Variants in C18orf54 observed in about 807,000 individuals in gnomAD.
C18orf54 encodes the protein lung adenoma susceptibility protein 2.
A neutral mutation model predicts 49.3 loss-of-function variants in C18orf54; 49 were observed. The observed-to-expected ratio is 0.99, with a 90% CI of 0.79 to 1.26. The LOEUF (loss-of-function observed/expected upper bound fraction) is 1.26. Ranked by LOEUF, C18orf54 falls within the 50% of genes most tolerant of loss-of-function variation. C18orf54 has a pLI of 0.00. For missense variants in C18orf54, 687 were observed against 620.6 expected, an observed-to-expected ratio of 1.11 and a Z score of -1.14; for synonymous variants, 211 against 216.6, an observed-to-expected ratio of 0.97 and a Z score of 0.23.
intron 6 of C18orf54, among the ~76,000 whole-genome samples, chr18:54,369,112 T>A (rs774867535): frequency 6.6e-6 from 1 of 152,198 alleles, no homozygotes; most frequent in Non-Finnish European, 1.5e-5. Context: ...CTAAACTATG[T>A]CAGCAGGAAG....
At chr18:54,377,220 A>T (rs1189096120) in intron 8 of C18orf54, among the ~76,000 whole-genome samples, 2 of 151,930 alleles carry the variant, frequency 1.3e-5, no homozygotes, top group Non-Finnish European at 2.9e-5. Flanking sequence ...TATTTTTAAT[A>T]AAGATGGGGT....
chr18:54,375,664 A>C (rs1468684460), intron 8 of C18orf54, among the ~76,000 whole-genome samples: 1 of 151,996 alleles, frequency 6.6e-6, no homozygotes, highest in East Asian at 1.9e-4. Context: ...ATACTGATCT[A>C]TAAGTGCTTT....
rs1163631728 is a variant in C18orf54 at position 54,361,738 on chromosome 18, G to C, written c.379G>C (p.Asp127His). ...DIDSMSLTTDDLLRLPADGSF... is the reference protein window; with the variant it reads ...DIDSMSLTTDHLLRLPADGSF... ...AGACTCCATGAGCCTAACAACTGAT[G>C]ATCTATTAAGACTCCCAGCAGATGG... The change falls in exon 4 of 9, where the codon GAT becomes CAT. Residue 127 changes from aspartate to histidine, a missense_variant. By Grantham distance (81) the Asp-to-His change is moderately conservative. Coordinates refer to ENST00000620105, the MANE Select transcript of C18orf54 (RefSeq NM_001288980.2). 6.2e-7 allele frequency: 1 copy of C among 1,613,850 alleles called. No individual in the cohort carries two copies. The highest frequency in any genetic ancestry group is 8.5e-7 in the Non-Finnish European group (1 of 1,179,946).
chr18:54,374,200 G>A lies in C18orf54; in HGVS notation c.1459-14G>A, dbSNP rs1281324252. The A allele has an allele frequency of 1.3e-6, 2 of 1,541,800 alleles. No homozygotes were observed. Among genetic ancestry groups the A allele is most frequent in the Non-Finnish European group, 1.8e-6 (2 of 1,140,194 alleles). On this transcript the variant is annotated splice_polypyrimidine_tract_variant and intron_variant, in intron 7 of 8. Coordinates refer to ENST00000620105, the MANE Select transcript of C18orf54 (RefSeq NM_001288980.2). ...ATTTTAATATTTTGTTATATTTGGTGTTTTTAATAATAGGTTTCAGAAGAT... is the reference window on the plus strand; with the variant it reads ...ATTTTAATATTTTGTTATATTTGGTATTTTTAATAATAGGTTTCAGAAGAT...
intron 6 of C18orf54, among the ~76,000 whole-genome samples, chr18:54,368,550 A>G (rs1031729411): frequency 6.6e-6 from 1 of 152,052 alleles, no homozygotes; most frequent in Non-Finnish European, 1.5e-5. Flanking sequence ...TATCATTAAT[A>G]TATTGATAAG....
At chr18:54,368,641 G>A (rs1006476037) in intron 6 of C18orf54, among the ~76,000 whole-genome samples, 3 of 151,892 alleles carry the variant, frequency 2.0e-5, no homozygotes, top group Non-Finnish European at 4.4e-5. Flanking sequence ...TGGTTAAGGT[G>A]ATCTTTATCC....
At position 54,374,639 on chromosome 18, in the gene C18orf54, A is replaced by G. The variant is rs1036687175; in HGVS notation, c.1529+355A>G. ...TATTCTCTCTAGAATAAATTTAATA[A>G]TAAATGGATCGTGATTTGGAACATC... On this transcript the variant is annotated intron_variant, in intron 8 of 8. Transcript: ENST00000620105. Among the ~76,000 whole-genome samples the G allele has an allele frequency of 2.6e-5, 4 of 151,886 alleles. 1 individual carries two copies. The highest frequency in any genetic ancestry group is 4.8e-5 in the African/African-American group (2 of 41,432).
At chr18:54,361,603 T>A (rs765325075) in intron 3 of C18orf54, 40 bp from the exon 4 acceptor site, 1 of 1,473,514 alleles carries the variant, frequency 6.8e-7, no homozygotes, top group Admixed American at 2.3e-5. Flanking sequence ...TATTATAAAA[T>A]ATTTGTATGT....
intron 6 of C18orf54, among the ~76,000 whole-genome samples, chr18:54,370,854 G>A (rs1207892793): frequency 6.6e-6 from 1 of 152,058 alleles, no homozygotes; most frequent in African/African-American, 2.4e-5. Flanking sequence ...AAATAAGATA[G>A]TGGCTGGATG....
chr18:54,362,996 A>T, intron 5 of C18orf54, 75 bp downstream of exon 5: 1 of 1,362,978 alleles, frequency 7.3e-7, no homozygotes, highest in Non-Finnish European at 1.0e-6. Context: ...ATTTATATTT[A>T]AACGAACGGT....
rs1203897801 is a variant in C18orf54 at position 54,380,560 on chromosome 18, C to T, written c.*2314C>T. 1 of 152,020 alleles carries T rather than the reference C, an allele frequency of 6.6e-6. No homozygotes were observed. Among genetic ancestry groups the T allele is most frequent in the African/African-American group, 2.4e-5 (1 of 41,448 alleles). The allele number at this position is 152,020 out of a possible 1,614,324, so 9.4% of individuals were successfully genotyped here. A position where few individuals can be genotyped will look rare whatever the true frequency, so the allele number is the denominator to read the frequency against. Reference sequence around the variant, plus strand: ...TCAAGAACTCTACTTTCAGTTGTTTCTCAGACAGTTAATTTCAGCTTCATA... The same window carrying T: ...TCAAGAACTCTACTTTCAGTTGTTTTTCAGACAGTTAATTTCAGCTTCATA... On this transcript the variant is annotated 3_prime_UTR_variant, in exon 9 of 9. Transcript: ENST00000620105.
At position 54,360,827 on chromosome 18, in the gene C18orf54, C is replaced by G; in HGVS notation, c.255C>G (p.Phe85Leu). The G allele has an allele frequency of 6.2e-7, 1 of 1,612,378 alleles. No individual in the cohort carries two copies. The highest frequency in any genetic ancestry group is 8.5e-7 in the Non-Finnish European group (1 of 1,178,930). ...AGGATTTTACTAATATGTCACAGTT[C>G]TGCAACTATATTTACAAACCAAACA... ...IDEDFTNMSQ[F>L]CNYIYKPNNA... The change falls in exon 3 of 9, where the codon TTC becomes TTG. Residue 85 changes from phenylalanine (F) to leucine (L), a missense_variant. Physicochemically the swap from Phe to Leu is conservative, Grantham distance 22. Coordinates refer to ENST00000620105, the MANE Select transcript of C18orf54 (RefSeq NM_001288980.2).
intron 4 of C18orf54, 98 bp downstream of exon 4, chr18:54,362,529 T>G (rs766397263): frequency 1.1e-4 from 116 of 1,095,654 alleles, no homozygotes; most frequent in Non-Finnish European, 1.3e-4. Context: ...GCTTTTATGT[T>G]TTGTTTTCAT....
rs1034423941 is a variant in C18orf54, at chr18:54,381,940, C to A, written c.*3694C>A. On this transcript the variant is annotated 3_prime_UTR_variant, in exon 9 of 9. Transcript: ENST00000620105. ...TCAGGAAAAAGTAAACTGCATTTTA[C>A]ATAGTGGTTTTAAATATTGATTGAT... 1.3e-5 allele frequency: 2 copies of A among 152,198 alleles called. No homozygotes were observed. The highest frequency in any genetic ancestry group is 2.9e-5 in the Non-Finnish European group (2 of 68,036). 9.4% of individuals were successfully genotyped at this position (152,198 alleles called of 1,614,324 possible). A position where few individuals can be genotyped will look rare whatever the true frequency, so the allele number is the denominator to read the frequency against.
In C18orf54 at chr18:54,365,754, C is replaced by T; in HGVS notation, c.1259C>T (p.Pro420Leu). The T allele has an allele frequency of 6.3e-7, 1 of 1,599,208 alleles. No homozygotes were observed. Among genetic ancestry groups the T allele is most frequent in the South Asian group, 1.1e-5 (1 of 88,598 alleles). Residue 420 changes from proline (P) to leucine (L), a missense_variant, in exon 6 of 9, where the codon CCT (proline) becomes CTT (leucine). Transcript: ENST00000620105. ...GTTCCCGTTAACTCTGATGATAGTC[C>T]TCAACAAACTTCAAGGGCAAAGAGT... is the stretch of plus-strand genomic sequence containing the variant. ...SPVPVNSDDS[P>L]QQTSRAKSAK...
rs2089283615 is a variant in C18orf54, at chr18:54,362,115, G to T, written c.756G>T (p.Gly252=). 1 of 1,537,050 alleles carries T rather than the reference G, an allele frequency of 6.5e-7. No homozygotes were observed. The highest frequency in any genetic ancestry group is 1.2e-5 in the South Asian group (1 of 84,108). ...AGAAATCTGACCTTAATGTTTCAGG[G>T]ATAACTAGTATACCTGATTTCAAAT... ...TSQKSDLNVS[G]ITSIPDFKYP... Residue 252 remains glycine, a synonymous_variant, in exon 4 of 9, where the codon GGG becomes GGT. Transcript: ENST00000620105.
intron 6 of C18orf54, among the ~76,000 whole-genome samples, chr18:54,369,676 C>T (rs549454405): frequency 4.7e-4 from 71 of 152,070 alleles, no homozygotes; most frequent in African/African-American, 1.6e-3. Context: ...ACCATATTGG[C>T]CAGGCTGGTC....
intron 1 of C18orf54, among the ~76,000 whole-genome samples, chr18:54,358,349 C>T (rs984922739): frequency 3.3e-5 from 5 of 152,210 alleles, no homozygotes; most frequent in Non-Finnish European, 7.3e-5. Flanking sequence ...GTCTGCGGAC[C>T]TGAGGCGGCG....
chr18:54,363,867 A>G (rs1421100277), intron 5 of C18orf54: 2 of 151,884 alleles, frequency 1.3e-5, no homozygotes, highest in African/African-American at 4.8e-5. Flanking sequence ...GGCATTGACT[A>G]TAATTCCAGT....
Sources: gnomAD v4.1 joint callset for allele counts (sites outside exome capture counted in the v4.1 genomes callset) on GRCh38, gnomAD v4.1.1 for gene constraint, MANE v1.5 for transcripts, NCBI Gene and HGNC (gene_info 2026-07-23, HGNC 2026-07-21) for gene names.